RSBN1: variants seen among roughly 807,000 people sequenced by gnomAD.
RSBN1 encodes the protein lysine-specific demethylase 9.
Under a neutral mutation model 74.8 loss-of-function variants are expected in RSBN1, and 23 were observed. The ratio of observed to expected loss-of-function variants is 0.31; its 90% CI spans 0.22 to 0.44. The LOEUF (loss-of-function observed/expected upper bound fraction) is 0.44. Ranked by LOEUF, RSBN1 falls within the 20% of genes least tolerant of loss-of-function variation. The pLI is 1.00. For synonymous variants in RSBN1, 407 were observed against 379.6 expected, an observed-to-expected ratio of 1.07 and a Z score of -0.84; for missense variants, 808 against 1,020.9, an observed-to-expected ratio of 0.79 and a Z score of 2.84.
At chr1:113,784,578 T>A (rs527535150) in intron 2 of RSBN1, among the ~76,000 whole-genome samples, 16 of 152,174 alleles carry the variant, frequency 1.1e-4, no homozygotes, top group Non-Finnish European at 2.1e-4. Flanking sequence ...TCATAAGAAG[T>A]GTGCAACCTA....
In RSBN1 at chr1:113,812,244, G is replaced by A. The variant is rs752742729; in HGVS notation, c.169C>T (p.Arg57Cys). 37 of 1,606,062 alleles carry A rather than the reference G, an allele frequency of 2.3e-5. No individual in the cohort carries two copies. In the Admixed American group the frequency reaches 5.8e-4, roughly 25 times the overall value. ...GEMAAQVGAVRVVRAVAAQEE... is the reference protein window; with the variant it reads ...GEMAAQVGAVCVVRAVAAQEE... ...TGCGCCGCCACCGCCCGTACTACGC[G>A]CACCGCTCCGACCTGCGCAGCCATT... The change falls in exon 1 of 7, where the codon CGC becomes TGC. Residue 57 changes from arginine to cysteine, a missense_variant. By Grantham distance (180) the Arg-to-Cys change is radical. Coordinates refer to ENST00000261441, the MANE Select transcript of RSBN1 (RefSeq NM_018364.5).
At chr1:113,789,365 G>C (rs1035906939) in intron 2 of RSBN1, among the ~76,000 whole-genome samples, 14 of 152,156 alleles carry the variant, frequency 9.2e-5, no homozygotes, top group African/African-American at 3.4e-4. Context: ...CCAACTCTAC[G>C]GGGAAAGAAG....
chr1:113,800,238 T>C (rs147330570), intron 1 of RSBN1, among the ~76,000 whole-genome samples: 38 of 152,304 alleles, frequency 2.5e-4, no homozygotes, highest in African/African-American at 8.2e-4. Context: ...CAAATATCAC[T>C]TGTAATTAAA....
At chr1:113,773,082 G>T (rs997771171) in intron 4 of RSBN1, among the ~76,000 whole-genome samples, 1 of 151,810 alleles carries the variant, frequency 6.6e-6, no homozygotes, top group Non-Finnish European at 1.5e-5. Context: ...TAAAAACTTG[G>T]AACAGAAGGG....
chr1:113,766,651 C>T (rs1382913028), intron 6 of RSBN1, among the ~76,000 whole-genome samples, 198 bp from the exon 7 acceptor site: 1 of 152,122 alleles, frequency 6.6e-6, no homozygotes, highest in Non-Finnish European at 1.5e-5. Context: ...ATTTTACTAC[C>T]TCTTTAGTAA....
In RSBN1 at chr1:113,763,618, C is replaced by T. The variant is rs1335305814; in HGVS notation, c.*2362G>A. 6.5e-6 allele frequency: 1 copy of T among 152,762 alleles called. No individual in the cohort carries two copies. Among genetic ancestry groups the T allele is most frequent in the Non-Finnish European group, 1.5e-5 (1 of 68,026 alleles). The allele number at this position is 152,762 out of a possible 1,614,324, so 9.5% of individuals were successfully genotyped here. On this transcript the variant is annotated 3_prime_UTR_variant, in exon 7 of 7. Transcript: ENST00000261441. ...GACATTCAGTTTTCAGATCACGTTA[C>T]TAGCTAAATGTTTCTCTTCATTCTA...
intron 2 of RSBN1, among the ~76,000 whole-genome samples, chr1:113,791,794 C>A (rs1571304908): frequency 6.6e-6 from 1 of 151,958 alleles, no homozygotes. Flanking sequence ...GTTTATTTCT[C>A]CTTTTCTATA....
Position 113,764,979 on chromosome 1 carries a change from T to C in RSBN1, c.*1001A>G, listed in dbSNP as rs1659752177. The C allele has an allele frequency of 6.6e-6, 1 of 152,242 alleles. No individual in the cohort carries two copies. Among genetic ancestry groups the C allele is most frequent in the South Asian group, 2.1e-4 (1 of 4,826 alleles). 9.4% of individuals were successfully genotyped at this position (152,242 alleles called of 1,614,324 possible). On this transcript the variant is annotated 3_prime_UTR_variant, in exon 7 of 7. Coordinates refer to ENST00000261441, the MANE Select transcript of RSBN1 (RefSeq NM_018364.5). ...AATAGCAACACAGAGTAATAGTAAATAAACCCAGGTATTCACCAGTTAAAA... is the reference window on the plus strand; with the variant it reads ...AATAGCAACACAGAGTAATAGTAAACAAACCCAGGTATTCACCAGTTAAAA...
At chr1:113,794,150 C>G (rs1223017629) in intron 2 of RSBN1, among the ~76,000 whole-genome samples, 1 of 152,124 alleles carries the variant, frequency 6.6e-6, no homozygotes, top group Non-Finnish European at 1.5e-5. Context: ...TCTCTCTCAC[C>G]AAGACTAGTT....
rs779723889 is a variant in RSBN1 at position 113,797,864 on chromosome 1, A to G, written c.876T>C (p.Ile292=). ...TGCTATTTATTTGTCCTTGGGTGAG[A>G]ATTTCTTTACTGATGCGGGTCAGGC... The part of the protein sequence containing the change: ...CAGLTRISKE[I]LTQGQINSTS... Residue 292 remains isoleucine (I), a synonymous_variant, in exon 2 of 7, where the codon ATT becomes ATC. Transcript: ENST00000261441. 1 of 1,613,250 alleles carries G rather than the reference A, an allele frequency of 6.2e-7. No individual in the cohort carries two copies. The highest frequency in any genetic ancestry group is 2.2e-5 in the East Asian group (1 of 44,786).
At chr1:113,804,543 T>C (rs1660662040) in intron 1 of RSBN1, among the ~76,000 whole-genome samples, 2 of 152,170 alleles carry the variant, frequency 1.3e-5, no homozygotes, top group Admixed American at 6.5e-5. Flanking sequence ...ACACTCCCAT[T>C]AGATGATCAA....
intron 4 of RSBN1, among the ~76,000 whole-genome samples, chr1:113,774,547 G>A (rs1329893370): frequency 6.6e-6 from 1 of 152,024 alleles, no homozygotes; most frequent in African/African-American, 2.4e-5. Context: ...CATCATAGCG[G>A]GAGGCTGTAG....
At position 113,812,044 on chromosome 1, in the gene RSBN1, C is replaced by T. The variant is rs778761532; in HGVS notation, c.369G>A (p.Gly123=). The change falls in exon 1 of 7, where the codon GGG becomes GGA. Residue 123 remains glycine, a synonymous_variant. Coordinates refer to ENST00000261441, the MANE Select transcript of RSBN1 (RefSeq NM_018364.5). The part of the protein sequence containing the change: ...HRRRRSRQHP[G]PLPPTNAAPT... The stretch of plus-strand genomic sequence containing the variant: ...GGGCTGCATTCGTTGGCGGCAGCGG[C>T]CCAGGATGTTGGCGGCTGCGACGCC... 3.2e-6 allele frequency: 5 copies of T among 1,543,442 alleles called. No individual in the cohort carries two copies. Among genetic ancestry groups the T allele is most frequent in the Middle Eastern group, 3.5e-4 (2 of 5,670 alleles).
chr1:113,777,025 A>C (rs1404239418), intron 4 of RSBN1, among the ~76,000 whole-genome samples, 185 bp downstream of exon 4: 1 of 152,096 alleles, frequency 6.6e-6, no homozygotes, highest in East Asian at 1.9e-4. Context: ...AGTAAAAATT[A>C]AATTTGTGTT....
At chr1:113,768,515 G>T (rs1344100163) in intron 4 of RSBN1, 126 bp from the exon 5 acceptor site, 4 of 608,698 alleles carry the variant, frequency 6.6e-6, no homozygotes, top group Non-Finnish European at 1.1e-5. Flanking sequence ...TGAGGACTGA[G>T]AAGGGTTCAA....
chr1:113,809,589 C>G (rs1660789812), intron 1 of RSBN1, among the ~76,000 whole-genome samples: 1 of 152,220 alleles, frequency 6.6e-6, no homozygotes, highest in Non-Finnish European at 1.5e-5. Flanking sequence ...CTACAGTACA[C>G]AGTTTTTCTC....
At chr1:113,791,870 T>C (rs1660373937) in intron 2 of RSBN1, among the ~76,000 whole-genome samples, 3 of 152,220 alleles carry the variant, frequency 2.0e-5, no homozygotes, top group Admixed American at 2.0e-4. Flanking sequence ...TATACTACTC[T>C]ACTAGTTCTA....
intron 2 of RSBN1, among the ~76,000 whole-genome samples, chr1:113,786,841 G>A (rs1345939661): frequency 2.0e-5 from 3 of 152,114 alleles, no homozygotes; most frequent in Non-Finnish European, 4.4e-5. Flanking sequence ...GGGCGTGGTG[G>A]TGAGTGCCTG....
chr1:113,781,728 C>T (rs981033223), intron 2 of RSBN1, among the ~76,000 whole-genome samples: 3 of 152,026 alleles, frequency 2.0e-5, no homozygotes, highest in African/African-American at 4.8e-5. Flanking sequence ...TGTACTTCGC[C>T]GGTTAATAAT....
Sources: allele counts gnomAD v4.1 joint callset (sites outside exome capture counted in the v4.1 genomes callset), GRCh38; gene constraint gnomAD v4.1.1; transcripts MANE v1.5; gene names NCBI Gene and HGNC (gene_info 2026-07-23, HGNC 2026-07-21).